The following TYW1 variants were observed in gnomAD, a reference collection of about 807,000 sequenced individuals.
TYW1 encodes the protein tRNA-yW synthesizing protein 1 homolog.
Under a neutral mutation model 96.2 loss-of-function variants are expected in TYW1, and 46 were observed. That is an observed-to-expected ratio of 0.48 (90% CI 0.38 to 0.61). TYW1 has a LOEUF of 0.61. TYW1 is among the 20% of genes least tolerant of loss of function. The pLI, the probability that TYW1 is intolerant of heterozygous loss-of-function variation, is 0.00. For missense variants in TYW1, 684 were observed against 909.6 expected (o/e 0.75, Z 3.19); for synonymous variants, 274 against 323.0 (o/e 0.85, Z 1.63).
intron 12 of TYW1, among the ~76,000 whole-genome samples, chr7:67,106,089 G>A (rs983876577): frequency 6.6e-6 from 1 of 151,996 alleles, no homozygotes; most frequent in Non-Finnish European, 1.5e-5. Context: ...TAGAGACAGG[G>A]TTTCTCCATG....
chr7:67,104,718 G>A (rs1797186932), intron 12 of TYW1, among the ~76,000 whole-genome samples: 1 of 152,214 alleles, frequency 6.6e-6, no homozygotes, highest in South Asian at 2.1e-4. Flanking sequence ...TTTGCTCTCT[G>A]AGTAGCTGTA....
chr7:67,117,250 C>G (rs1239248065), intron 12 of TYW1, among the ~76,000 whole-genome samples: 1 of 152,104 alleles, frequency 6.6e-6, no homozygotes, highest in Non-Finnish European at 1.5e-5. Context: ...TTAAGTAATT[C>G]AATATTTTCA....
intron 11 of TYW1, among the ~76,000 whole-genome samples, chr7:67,094,931 TTAAA>T (rs1394427286): frequency 6.6e-6 from 1 of 151,928 alleles, no homozygotes; most frequent in East Asian, 1.9e-4. Flanking sequence ...TTGTTTTGGG[TTAAA>T]TAAAGTGGTG....
intron 13 of TYW1, among the ~76,000 whole-genome samples, chr7:67,120,242 C>T (rs1327367805): frequency 4.6e-5 from 7 of 151,810 alleles, no homozygotes; most frequent in East Asian, 3.9e-4. Flanking sequence ...CCACCATGCC[C>T]GGCTAATTTT....
chr7:67,159,795 T>TTTTATTTTATTTTA (rs1554380275), intron 13 of TYW1, among the ~76,000 whole-genome samples: 5 of 149,542 alleles, frequency 3.3e-5, no homozygotes, highest in East Asian at 1.9e-4. Context: ...TTTTATTTTA[T>TTTTATTTTATTTTA]TTTATTTATT....
intron 7 of TYW1, among the ~76,000 whole-genome samples, chr7:67,026,879 T>C (rs1188171113): frequency 3.9e-5 from 6 of 152,112 alleles, no homozygotes; most frequent in Non-Finnish European, 7.4e-5. Flanking sequence ...TCTGAAGACC[T>C]GGAGTTTAAA....
At chr7:67,074,650 G>T (rs895878252) in intron 10 of TYW1, among the ~76,000 whole-genome samples, 2 of 152,130 alleles carry the variant, frequency 1.3e-5, no homozygotes, top group Admixed American at 6.6e-5. Flanking sequence ...GTCAGAAAAG[G>T]TTCATTAAAA....
At chr7:67,095,940 T>C (rs1584554740) in intron 11 of TYW1, among the ~76,000 whole-genome samples, 1 of 152,176 alleles carries the variant, frequency 6.6e-6, no homozygotes, top group East Asian at 1.9e-4. Flanking sequence ...ATCAGTTTCA[T>C]AAATGAGGAT....
chr7:67,096,899 G>A (rs1276987533), intron 11 of TYW1, among the ~76,000 whole-genome samples: 1 of 152,132 alleles, frequency 6.6e-6, no homozygotes, highest in East Asian at 1.9e-4. Context: ...CTTCTACATT[G>A]AGTCAAGAGC....
chr7:67,117,439 G>T (rs542795691), intron 12 of TYW1, 44 bp from the exon 13 acceptor site: 14 of 1,583,106 alleles, frequency 8.8e-6, no homozygotes, highest in Non-Finnish European at 1.2e-5. Flanking sequence ...AAGCCTGATA[G>T]AGGAATAATT....
Position 67,054,531 on chromosome 7 carries a change from T to A in TYW1, c.1103-1304T>A, listed in dbSNP as rs1231384828. ...CCTTTGTTTATTTATATGCAAGATG[T>A]TTACATAAATACAGAAGAGGATACA... On this transcript the variant is annotated intron_variant, in intron 8 of 15. Coordinates refer to ENST00000359626, the MANE Select transcript of TYW1 (RefSeq NM_018264.4). Among the ~76,000 whole-genome samples, 3 of 151,952 alleles carry A rather than the reference T, an allele frequency of 2.0e-5. No individual in the cohort carries two copies. The East Asian group carries it at 5.8e-4, about 29-fold the overall frequency.
chr7:67,168,120 A>ACTAT (rs35429272), intron 13 of TYW1, among the ~76,000 whole-genome samples: 8,874 of 110,912 alleles, frequency 0.08, 543 homozygotes, highest in Middle Eastern at 0.14. Context: ...GCTTTATGTG[A>ACTAT]CTATTATCAA....
intron 8 of TYW1, among the ~76,000 whole-genome samples, chr7:67,052,958 G>A (rs1437032482): frequency 6.6e-6 from 1 of 151,946 alleles, no homozygotes; most frequent in Non-Finnish European, 1.5e-5. Context: ...AGCCAGGATG[G>A]TCTCGATCTC....
At chr7:67,076,128 T>C (rs1352425816) in intron 10 of TYW1, among the ~76,000 whole-genome samples, 1 of 152,244 alleles carries the variant, frequency 6.6e-6, no homozygotes, top group Non-Finnish European at 1.5e-5. Flanking sequence ...TTTGTTCTCC[T>C]CTGCCTTTGC....
At chr7:67,041,958 T>C (rs1367246276) in intron 7 of TYW1, among the ~76,000 whole-genome samples, 1 of 149,298 alleles carries the variant, frequency 6.7e-6, no homozygotes, top group African/African-American at 2.4e-5. Flanking sequence ...GTAGTTAATA[T>C]ATTTTTTATA....
chr7:67,163,369 T>C (rs1799220467), intron 13 of TYW1, among the ~76,000 whole-genome samples: 1 of 152,198 alleles, frequency 6.6e-6, no homozygotes, highest in Non-Finnish European at 1.5e-5. Context: ...GCTCCGAGCC[T>C]CTTCTGTGTG....
intron 3 of TYW1, among the ~76,000 whole-genome samples, chr7:67,006,570 G>T (rs1463010066): frequency 6.6e-6 from 1 of 150,384 alleles, no homozygotes; most frequent in Non-Finnish European, 1.5e-5. Context: ...CTCCCAAGTA[G>T]CTGGACCACA....
At chr7:67,071,451 C>CTT (rs1286201367) in intron 10 of TYW1, among the ~76,000 whole-genome samples, 2 of 139,220 alleles carry the variant, frequency 1.4e-5, no homozygotes. Context: ...ATTTCTTTCG[C>CTT]TTTTTTTTTT....
intron 15 of TYW1, among the ~76,000 whole-genome samples, chr7:67,199,427 A>G (rs1306808579): frequency 1.3e-5 from 2 of 152,166 alleles, no homozygotes; most frequent in Non-Finnish European, 2.9e-5. Flanking sequence ...TTTGCACCTG[A>G]TAAGCTATCT....
Sources: allele counts gnomAD v4.1 joint callset (sites outside exome capture counted in the v4.1 genomes callset), GRCh38; gene constraint gnomAD v4.1.1; transcripts MANE v1.5; gene names NCBI Gene and HGNC (gene_info 2026-07-23, HGNC 2026-07-21).